The following MCPH1 variants were observed in gnomAD, a reference collection of about 807,000 sequenced individuals.
MCPH1 encodes the protein microcephalin.
A neutral mutation model predicts 84.5 loss-of-function variants in MCPH1; 104 were observed. The ratio of observed to expected loss-of-function variants is 1.23; its 90% confidence interval spans 1.05 to 1.45. MCPH1 has a LOEUF of 1.45. Among genes scored for constraint, MCPH1 ranks in the 40% most tolerant of loss-of-function variants. The pLI, the probability that MCPH1 is intolerant of heterozygous loss-of-function variation, is 0.00. For missense variants in MCPH1, 1,498 were observed against 1,005.7 expected (o/e 1.49, Z -6.62); for synonymous variants, 514 against 366.8 (o/e 1.40, Z -4.58).
chr8:6,483,886 G>T (rs1001605725), intron 11 of MCPH1, among the ~76,000 whole-genome samples: 1 of 151,552 alleles, frequency 6.6e-6, no homozygotes, highest in African/African-American at 2.4e-5. Context: ...GGAGAGGAGA[G>T]GAGGAAGGAA....
chr8:6,521,125 T>G (rs1817250991), intron 12 of MCPH1: 1 of 1,477,578 alleles, frequency 6.8e-7, no homozygotes, highest in Admixed American at 1.9e-5. Context: ...CTTTTGAGTG[T>G]TTTACTGACT....
rs943404084 is a variant in MCPH1, at chr8:6,646,757, G to C, written c.*3708G>C. The stretch of plus-strand genomic sequence containing the variant: ...GCATCCCTCCCCTGACACACACCTA[G>C]TTTTGACAATCTCTGTCTCCAGATA... On this transcript the variant is annotated 3_prime_UTR_variant, in exon 14 of 14. Transcript: ENST00000344683. 6.6e-6 allele frequency: 1 copy of C among 152,230 alleles called. No individual in the cohort carries two copies. The highest frequency in any genetic ancestry group is 1.5e-5 in the Non-Finnish European group (1 of 68,054). 9.4% of individuals were successfully genotyped at this position (152,230 alleles called of 1,614,324 possible).
rs940873458 is a variant in MCPH1, at chr8:6,446,774, G to C, written c.1825+1227G>C. ...ATAATGACATGGAAATGTAAATTAA[G>C]TAGGAAAAAGCTGGTAGCAAACAGT... On this transcript the variant is annotated intron_variant, in intron 8 of 13. Transcript: ENST00000344683. 41 of 984,984 alleles carry C rather than the reference G, an allele frequency of 4.2e-5. No individual in the cohort carries two copies. The African/African-American group carries it at 6.8e-4, about 16-fold the overall frequency. The allele number at this position is 984,984 out of a possible 1,614,324, so 61.0% of individuals were successfully genotyped here. A position where few individuals can be genotyped will look rare whatever the true frequency, so the allele number is the denominator to read the frequency against.
At chr8:6,437,356 G>A (rs989758168) in intron 5 of MCPH1, among the ~76,000 whole-genome samples, 3 of 151,952 alleles carry the variant, frequency 2.0e-5, no homozygotes, top group Non-Finnish European at 2.9e-5. Context: ...TCAGCCTCCC[G>A]AGAAGCTGGG....
intron 1 of MCPH1, among the ~76,000 whole-genome samples, chr8:6,408,060 C>T (rs969824183): frequency 6.6e-6 from 1 of 152,198 alleles, no homozygotes; most frequent in East Asian, 1.9e-4. Flanking sequence ...GAAATATTTA[C>T]CATCTGTCTC....
rs1806071036 is a variant in MCPH1 at position 6,459,721 on chromosome 8, CTT to C, written c.1935+4471_1935+4472del. 3.9e-5 allele frequency among the ~76,000 whole-genome samples: 6 copies of C among 152,268 alleles called. No homozygotes were observed. The South Asian group carries it at 1.0e-3, about 26-fold the overall frequency. On this transcript the variant is annotated intron_variant, in intron 9 of 13. Transcript: ENST00000344683. ...CAGATGTGTCCCGTGGCCCTAATGA[CTT>C]TATTTTCTTTTTAGTTTTAAATCTG...
At chr8:6,546,084 A>G (rs57209429) in intron 12 of MCPH1, among the ~76,000 whole-genome samples, 9,694 of 152,304 alleles carry the variant, frequency 0.064, 594 homozygotes, top group African/African-American at 0.16. Context: ...TACTGGCTCA[A>G]TACTTTCTAA....
intron 3 of MCPH1, among the ~76,000 whole-genome samples, chr8:6,416,726 G>C (rs746064108): frequency 6.6e-6 from 1 of 152,152 alleles, no homozygotes; most frequent in Non-Finnish European, 1.5e-5. Context: ...GGATGCGGTG[G>C]CTCACACCTG....
intron 12 of MCPH1, among the ~76,000 whole-genome samples, chr8:6,515,007 G>C (rs1175274005): frequency 6.6e-6 from 1 of 152,174 alleles, no homozygotes; most frequent in Admixed American, 6.5e-5. Flanking sequence ...ATAATATAAA[G>C]TGTTGATGAG....
At chr8:6,562,638 T>C in intron 12 of MCPH1, 1 of 1,356,912 alleles carries the variant, frequency 7.4e-7, no homozygotes, top group Non-Finnish European at 9.9e-7. Context: ...AGATGGATTT[T>C]TTTCCTACCT....
At chr8:6,438,672 C>T (rs1803027720) in intron 5 of MCPH1, among the ~76,000 whole-genome samples, 1 of 152,178 alleles carries the variant, frequency 6.6e-6, no homozygotes, top group Admixed American at 6.5e-5. Flanking sequence ...AGTGGGGATA[C>T]TGATTTGGGT....
At chr8:6,487,939 T>A (rs1260484487) in intron 11 of MCPH1, among the ~76,000 whole-genome samples, 1 of 152,238 alleles carries the variant, frequency 6.6e-6, no homozygotes, top group Non-Finnish European at 1.5e-5. Context: ...AACGTGGATC[T>A]TAGAAACACA....
intron 12 of MCPH1, among the ~76,000 whole-genome samples, chr8:6,548,952 G>A (rs974142647): frequency 1.3e-5 from 2 of 152,160 alleles, no homozygotes; most frequent in Non-Finnish European, 2.9e-5. Flanking sequence ...AACCTGGGGG[G>A]AATTATGTTT....
chr8:6,493,700 T>C (rs938506108), intron 11 of MCPH1, among the ~76,000 whole-genome samples: 6 of 152,172 alleles, frequency 3.9e-5, no homozygotes, highest in African/African-American at 1.4e-4. Context: ...GCTAGTCCTG[T>C]GACCCAGCAT....
intron 12 of MCPH1, among the ~76,000 whole-genome samples, chr8:6,521,866 T>C (rs950384325): frequency 5.9e-5 from 9 of 152,294 alleles, no homozygotes; most frequent in African/African-American, 1.9e-4. Context: ...CTAATGATAA[T>C]AATAGCACTT....
At chr8:6,603,943 CAG>C (rs911016618) in intron 12 of MCPH1, among the ~76,000 whole-genome samples, 90 of 151,850 alleles carry the variant, frequency 5.9e-4, no homozygotes, top group African/African-American at 2.0e-3. Context: ...GTGAAGATAT[CAG>C]AGTTATTTTT....
intron 9 of MCPH1, among the ~76,000 whole-genome samples, chr8:6,469,040 T>A (rs1184382065): frequency 6.6e-6 from 1 of 151,930 alleles, no homozygotes; most frequent in Non-Finnish European, 1.5e-5. Flanking sequence ...AATAATTTTT[T>A]AAAAATATTA....
intron 2 of MCPH1, among the ~76,000 whole-genome samples, chr8:6,412,412 A>C (rs933447892): frequency 2.6e-5 from 4 of 152,270 alleles, no homozygotes; most frequent in African/African-American, 9.6e-5. Flanking sequence ...ATTGGCAAAC[A>C]GTTCAAAGAA....
chr8:6,549,208 A>C (rs1258180832), intron 12 of MCPH1, among the ~76,000 whole-genome samples: 1 of 152,242 alleles, frequency 6.6e-6, no homozygotes, highest in Non-Finnish European at 1.5e-5. Context: ...ATAAAAGAAC[A>C]CAAATGTCAA....
Sources: gnomAD v4.1 joint callset for allele counts (sites outside exome capture counted in the v4.1 genomes callset) on GRCh38, gnomAD v4.1.1 for gene constraint, MANE v1.5 for transcripts, NCBI Gene and HGNC (gene_info 2026-07-23, HGNC 2026-07-21) for gene names.